MYT1L: variants seen among roughly 807,000 people sequenced by gnomAD.
MYT1L encodes myelin transcription factor 1-like protein.
Under a neutral mutation model 126.7 loss-of-function variants are expected in MYT1L, and 12 were observed. That is an observed-to-expected ratio of 0.09 (90% CI 0.06 to 0.15). MYT1L has a LOEUF of 0.15. MYT1L is among the 10% of genes least tolerant of loss of function. MYT1L has a pLI of 1.00. For synonymous variants in MYT1L, 541 were observed against 604.2 expected, an observed-to-expected ratio of 0.90 and a Z score of 1.53; for missense variants, 979 against 1,585.2, an observed-to-expected ratio of 0.62 and a Z score of 6.49.
chr2:1,871,894 C>A (rs566144937), intron 18 of MYT1L, among the ~76,000 whole-genome samples: 8 of 152,152 alleles, frequency 5.3e-5, no homozygotes, highest in African/African-American at 1.4e-4. Context: ...ACCATCCAAG[C>A]TGAAGCTGCA....
At chr2:1,813,485 A>G (rs561723390) in intron 21 of MYT1L, among the ~76,000 whole-genome samples, 23 of 152,066 alleles carry the variant, frequency 1.5e-4, no homozygotes, top group Non-Finnish European at 3.1e-4. Context: ...GGGGTCCCCA[A>G]ACTCCCGGCC....
chr2:2,230,060 G>A (rs1306115541), intron 2 of MYT1L, among the ~76,000 whole-genome samples: 2 of 152,034 alleles, frequency 1.3e-5, no homozygotes, highest in African/African-American at 4.8e-5. Flanking sequence ...TTTCCTTCAT[G>A]TAAATTACAT....
chr2:1,815,998 T>C (rs1355248113), intron 21 of MYT1L, among the ~76,000 whole-genome samples: 3 of 152,124 alleles, frequency 2.0e-5, no homozygotes, highest in Non-Finnish European at 4.4e-5. Context: ...TTTTTTTCTT[T>C]TAAAAATATT....
chr2:2,283,077 C>T (rs555337142), intron 2 of MYT1L, among the ~76,000 whole-genome samples: 7 of 152,038 alleles, frequency 4.6e-5, no homozygotes, highest in Admixed American at 1.3e-4. Flanking sequence ...TCCATCCCCC[C>T]CAACACAAAA....
chr2:2,004,051 A>ATGTG (rs1251854172), intron 4 of MYT1L, among the ~76,000 whole-genome samples: 1 of 145,940 alleles, frequency 6.9e-6, no homozygotes, highest in Non-Finnish European at 1.5e-5. Context: ...TCTTTCCTGC[A>ATGTG]TACTTTCCTG....
intron 8 of MYT1L, among the ~76,000 whole-genome samples, chr2:1,955,168 G>C (rs1382404140): frequency 6.7e-6 from 1 of 150,014 alleles, no homozygotes; most frequent in Non-Finnish European, 1.5e-5. Context: ...ATGATTCTAC[G>C]AGCTACATGT....
At chr2:2,222,313 G>A (rs1228208522) in intron 2 of MYT1L, among the ~76,000 whole-genome samples, 3 of 151,936 alleles carry the variant, frequency 2.0e-5, no homozygotes, top group Admixed American at 6.6e-5. Flanking sequence ...TGGCCAACAT[G>A]GAGAAACCCT....
In MYT1L at chr2:1,866,427, G is replaced by T. The variant is rs533283678; in HGVS notation, c.2712-14724C>A. ...TGGGGGAGGAGAGAGAAGGAGGCAG[G>T]CAGAGAGAGAGAGTGGGAGAGAGAG... On this transcript the variant is annotated intron_variant, in intron 18 of 24. Coordinates refer to ENST00000647738, the MANE Select transcript of MYT1L (RefSeq NM_001303052.2). Among the ~76,000 whole-genome samples, 213 of 149,042 alleles carry T rather than the reference G, an allele frequency of 1.4e-3. 1 individual carries two copies. Among genetic ancestry groups the T allele is most frequent in the African/African-American group, 4.9e-3 (200 of 40,412 alleles).
At position 1,910,920 on chromosome 2, in the gene MYT1L, G is replaced by A. The variant is rs756236962; in HGVS notation, c.1710-573C>T. 8.5e-5 allele frequency among the ~76,000 whole-genome samples: 13 copies of A among 152,190 alleles called. No homozygotes were observed. The highest frequency in any genetic ancestry group is 3.9e-4 in the East Asian group (2 of 5,192). On this transcript the variant is annotated intron_variant, in intron 12 of 24. Coordinates refer to ENST00000647738, the MANE Select transcript of MYT1L (RefSeq NM_001303052.2). This position sits in a 1 kb window ranked among gnomAD's most constrained non-coding sequence, Gnocchi z 4.8. ...TGTTTTGTGGAGCCAAATAGTTCAG[G>A]CTTAGTCTAGACGGAGGAGACAGCA...
chr2:2,129,698 A>C (rs887281575), intron 3 of MYT1L, among the ~76,000 whole-genome samples: 1 of 152,168 alleles, frequency 6.6e-6, no homozygotes, highest in Non-Finnish European at 1.5e-5. Flanking sequence ...CAAGGTCAGG[A>C]GATCGAGACC....
chr2:2,175,960 C>T lies in MYT1L; in HGVS notation c.-420-2972G>A, dbSNP rs144624652. On this transcript the variant is annotated intron_variant, in intron 2 of 24. Transcript: ENST00000647738. ...AATAAGCTGCCTGTACTATGGAGTA[C>T]ATAGCAGGTTCTCCATTAGCCTTTC... Among the ~76,000 whole-genome samples the T allele has an allele frequency of 5.1e-3, 774 of 152,314 alleles. 10 individuals carry two copies. The highest frequency in any genetic ancestry group is 0.018 in the African/African-American group (748 of 41,562).
intron 3 of MYT1L, among the ~76,000 whole-genome samples, chr2:2,156,911 C>G (rs958402605): frequency 6.6e-6 from 1 of 152,316 alleles, no homozygotes; most frequent in East Asian, 1.9e-4. Flanking sequence ...TTAATGGGAC[C>G]TTGTCAAGGT....
At chr2:1,973,208 T>G (rs2149456554) in intron 8 of MYT1L, among the ~76,000 whole-genome samples, 1 of 152,332 alleles carries the variant, frequency 6.6e-6, no homozygotes, top group African/African-American at 2.4e-5. Flanking sequence ...TCCAATTCAT[T>G]CCAAATGTCT....
intron 2 of MYT1L, among the ~76,000 whole-genome samples, chr2:2,183,334 T>A (rs973122688): frequency 6.6e-6 from 1 of 152,040 alleles, no homozygotes; most frequent in Non-Finnish European, 1.5e-5. Context: ...ACAGAGAGGC[T>A]GCTCACCTCT....
intron 2 of MYT1L, among the ~76,000 whole-genome samples, chr2:2,225,956 G>A (rs1261360024): frequency 1.3e-5 from 2 of 152,162 alleles, no homozygotes; most frequent in African/African-American, 2.4e-5. Context: ...GAGAGTGAGG[G>A]TGGAATGGGG....
At chr2:2,255,213 C>T (rs1047931920) in intron 2 of MYT1L, among the ~76,000 whole-genome samples, 2 of 152,182 alleles carry the variant, frequency 1.3e-5, no homozygotes, top group African/African-American at 2.4e-5. Flanking sequence ...GTTCATCCTG[C>T]AGCTCCCCGT....
chr2:2,006,132 A>G (rs72767332), intron 4 of MYT1L, among the ~76,000 whole-genome samples: 6,384 of 152,120 alleles, frequency 0.042, 199 homozygotes, highest in Non-Finnish European at 0.065. Context: ...TGTTTCCTGC[A>G]CGTGTTCTTT....
intron 18 of MYT1L, among the ~76,000 whole-genome samples, chr2:1,864,329 C>G (rs926524150): frequency 1.3e-5 from 2 of 152,212 alleles, no homozygotes; most frequent in African/African-American, 4.8e-5. Flanking sequence ...GCTGCACCCT[C>G]CACGGAGTCT....
At chr2:1,909,792 C>T (rs1033237771) in intron 13 of MYT1L, among the ~76,000 whole-genome samples, 2 of 152,152 alleles carry the variant, frequency 1.3e-5, no homozygotes, top group African/African-American at 2.4e-5. Context: ...GTTTTGCACG[C>T]GAGAGCTTCC....
Sources: gnomAD v4.1 joint callset for allele counts (sites outside exome capture counted in the v4.1 genomes callset) on GRCh38, gnomAD v4.1.1 for gene constraint, Gnocchi (gnomAD v3.1) non-coding constraint, MANE v1.5 for transcripts, NCBI Gene and HGNC (gene_info 2026-07-23, HGNC 2026-07-21) for gene names.